Variants in GRIK4 observed in about 807,000 individuals in gnomAD.
The protein encoded by GRIK4 is glutamate receptor ionotropic, kainate 4.
Under a neutral mutation model 104.9 loss-of-function variants are expected in GRIK4, and 40 were observed. The ratio of observed to expected loss-of-function variants is 0.38; its 90% CI spans 0.30 to 0.50. The LOEUF is 0.50. Among genes scored for constraint, GRIK4 ranks in the 20% least tolerant of loss-of-function variants. The pLI, the probability that GRIK4 is intolerant of heterozygous loss-of-function variation, is 0.93. For missense variants in GRIK4, 1,047 were observed against 1,308.1 expected (o/e 0.80, Z 3.08); for synonymous variants, 485 against 524.9 (o/e 0.92, Z 1.04).
At chr11:120,832,081 C>T (rs774625497) in intron 7 of GRIK4, 51 bp downstream of exon 7, 3 of 1,356,168 alleles carry the variant, frequency 2.2e-6, no homozygotes, top group African/African-American at 2.9e-5. Context: ...ACCCTCCCCC[C>T]TCCTTGCCTT....
chr11:120,645,993 C>T (rs552609570), intron 1 of GRIK4, among the ~76,000 whole-genome samples: 1 of 152,302 alleles, frequency 6.6e-6, no homozygotes, highest in South Asian at 2.1e-4. Flanking sequence ...TTCAGTGCCC[C>T]CAGCCCCAGA....
At chr11:120,620,913 G>A (rs184302938) in intron 1 of GRIK4, among the ~76,000 whole-genome samples, 93 of 152,192 alleles carry the variant, frequency 6.1e-4, no homozygotes, top group African/African-American at 1.9e-3. Flanking sequence ...ATCATTACCC[G>A]CCTCTTACTG....
chr11:120,898,057 A>AT (rs1286500543), intron 11 of GRIK4, among the ~76,000 whole-genome samples: 1 of 152,204 alleles, frequency 6.6e-6, no homozygotes, highest in Non-Finnish European at 1.5e-5. Context: ...GTTTAGGTTC[A>AT]TTCATTCATT....
At chr11:120,868,323 A>G (rs1954482651) in intron 9 of GRIK4, 1 of 152,222 alleles carries the variant, frequency 6.6e-6, no homozygotes, top group Non-Finnish European at 1.5e-5. Context: ...TCGAGGGTTC[A>G]TTGCCAAGCA....
At chr11:120,824,859 T>A (rs1032421644) in intron 6 of GRIK4, among the ~76,000 whole-genome samples, 1 of 151,508 alleles carries the variant, frequency 6.6e-6, no homozygotes, top group African/African-American at 2.4e-5. Context: ...CTTATTTTAT[T>A]ATTATTATTT....
chr11:120,628,216 TCTGTCCCTGTCAC>T (rs1363024095), intron 1 of GRIK4, among the ~76,000 whole-genome samples: 1 of 151,490 alleles, frequency 6.6e-6, no homozygotes, highest in South Asian at 2.1e-4. Flanking sequence ...CTGAGTGCAC[TCTGTCCCTGTCAC>T]CTGGCCCTTC....
chr11:120,761,613 G>A (rs1385294286), intron 3 of GRIK4, among the ~76,000 whole-genome samples: 2 of 152,072 alleles, frequency 1.3e-5, no homozygotes, highest in Non-Finnish European at 2.9e-5. Context: ...TTCATCTTGA[G>A]TTAATTTTTG....
chr11:120,601,172 G>A (rs1948881089), intron 1 of GRIK4, among the ~76,000 whole-genome samples: 2 of 152,108 alleles, frequency 1.3e-5, no homozygotes, highest in South Asian at 2.1e-4. Context: ...TTGGGAGGCC[G>A]AGGCAGGTAG....
At chr11:120,824,208 T>A (rs1953195638) in intron 6 of GRIK4, among the ~76,000 whole-genome samples, 1 of 152,244 alleles carries the variant, frequency 6.6e-6, no homozygotes, top group Non-Finnish European at 1.5e-5. Context: ...TAGAGAGAGA[T>A]TGTATATTAC....
chr11:120,655,582 G>A (rs56926846), intron 2 of GRIK4, among the ~76,000 whole-genome samples: 5,711 of 152,290 alleles, frequency 0.038, 203 homozygotes, highest in African/African-American at 0.087. Flanking sequence ...CAAATGGAGA[G>A]AGAAAGACCA....
At chr11:120,803,828 T>C (rs972960464) in intron 4 of GRIK4, among the ~76,000 whole-genome samples, 4 of 152,224 alleles carry the variant, frequency 2.6e-5, no homozygotes, top group African/African-American at 7.2e-5. Context: ...AAGTCACACA[T>C]ATGGAGCCCC....
chr11:120,646,926 C>T (rs1212740319), intron 1 of GRIK4, among the ~76,000 whole-genome samples: 4 of 152,212 alleles, frequency 2.6e-5, no homozygotes, highest in African/African-American at 9.7e-5. Context: ...TAGTATGTCT[C>T]CTATTTTATG....
rs558690032 is a variant in GRIK4, at chr11:120,592,793, C to T, written c.-158-60892C>T. Among the ~76,000 whole-genome samples, 5 of 152,252 alleles carry T rather than the reference C, an allele frequency of 3.3e-5. No individual in the cohort carries two copies. In the South Asian group the frequency reaches 8.3e-4, roughly 25 times the overall value. On this transcript the variant is annotated intron_variant, in intron 1 of 20. Transcript: ENST00000527524. ...CCTCCTGCAACTCTGAGGGGCTGGC[C>T]GTCCGCATGTCTGCCTCCCAGCCCC...
intron 1 of GRIK4, among the ~76,000 whole-genome samples, chr11:120,610,349 G>A (rs1371244231): frequency 3.3e-5 from 5 of 152,232 alleles, no homozygotes; most frequent in African/African-American, 1.2e-4. Context: ...CTTCACAGTG[G>A]CATAATGAAG....
chr11:120,914,037 G>A (rs923483182), intron 13 of GRIK4, among the ~76,000 whole-genome samples: 2 of 152,208 alleles, frequency 1.3e-5, no homozygotes, highest in Non-Finnish European at 2.9e-5. Context: ...CGAGCTCAGC[G>A]AGGGCTTTGC....
At chr11:120,872,239 A>C (rs182592206) in intron 9 of GRIK4, 1 of 301,006 alleles carries the variant, frequency 3.3e-6, no homozygotes, top group African/African-American at 2.2e-5. Flanking sequence ...GCTCACTTGG[A>C]GGGATTCACA....
chr11:120,682,393 C>G (rs1950208022), intron 3 of GRIK4, among the ~76,000 whole-genome samples: 1 of 152,148 alleles, frequency 6.6e-6, no homozygotes, highest in Admixed American at 6.6e-5. Flanking sequence ...AAAGAGGAGA[C>G]ACACTTGCTT....
chr11:120,575,989 A>G (rs1161482102), intron 1 of GRIK4: 1 of 152,094 alleles, frequency 6.6e-6, no homozygotes, highest in East Asian at 1.9e-4. Context: ...TCCAGACGGC[A>G]TCCTGCTGCA....
At chr11:120,597,384 C>T (rs75524659) in intron 1 of GRIK4, among the ~76,000 whole-genome samples, 33,379 of 152,156 alleles carry the variant, frequency 0.22, 4,665 homozygotes, top group Non-Finnish European at 0.31. Flanking sequence ...GGGCTGCACA[C>T]GGTGGGAGCT....
Sources: allele counts gnomAD v4.1 joint callset (sites outside exome capture counted in the v4.1 genomes callset), GRCh38; gene constraint gnomAD v4.1.1; transcripts MANE v1.5; gene names NCBI Gene and HGNC (gene_info 2026-07-23, HGNC 2026-07-21).